Variants in MPP4 observed in about 807,000 individuals in gnomAD.
The protein encoded by MPP4 is MAGUK p55 scaffold protein 4.
A neutral mutation model predicts 98.3 loss-of-function variants in MPP4; 91 were observed. The observed-to-expected ratio is 0.93, with a 90% CI of 0.78 to 1.10. MPP4 has a LOEUF of 1.10. Ranked by LOEUF, MPP4 falls within the 50% of genes least tolerant of loss-of-function variation. The pLI is 0.00. For synonymous variants in MPP4, 261 were observed against 271.8 expected, an observed-to-expected ratio of 0.96 and a Z score of 0.39; for missense variants, 744 against 792.9, an observed-to-expected ratio of 0.94 and a Z score of 0.74.
At chr2:201,649,442 T>G (rs751045141) in intron 20 of MPP4, 134 bp downstream of exon 20, 15 of 637,452 alleles carry the variant, frequency 2.4e-5, no homozygotes, top group Non-Finnish European at 3.8e-5. Flanking sequence ...AGTAAGATCT[T>G]ATATATGGGA....
In MPP4 at chr2:201,656,220, C is replaced by G. The variant is rs1201112599; in HGVS notation, c.1278G>C (p.Lys426Asn). 1 of 1,605,970 alleles carries G rather than the reference C, an allele frequency of 6.2e-7. No homozygotes were observed. Among genetic ancestry groups the G allele is most frequent in the Non-Finnish European group, 8.5e-7 (1 of 1,176,258 alleles). The change falls in exon 17 of 22, where the codon AAG becomes AAC. Residue 426 changes from lysine (K) to asparagine (N), a missense_variant. Coordinates refer to ENST00000409474, the MANE Select transcript of MPP4 (RefSeq NM_033066.3). ...TACCCATGAGCACTATGAGGCGGTA[C>G]TTGTCTGAAGGGCGTCGCTGGTACC... Reference protein sequence around the residue: ...VVRYQRRPSDKYRLIVLMGPS... With the variant: ...VVRYQRRPSDNYRLIVLMGPS...
At chr2:201,682,268 C>G (rs141932096) in intron 8 of MPP4, among the ~76,000 whole-genome samples, 4 of 152,300 alleles carry the variant, frequency 2.6e-5, no homozygotes, top group African/African-American at 9.6e-5. Context: ...CACACAGAAT[C>G]TTGCAGCAGT....
In MPP4 at chr2:201,665,348, G is replaced by A. The variant is rs567143466; in HGVS notation, c.1051+986C>T. 1.1e-3 allele frequency: 161 copies of A among 152,360 alleles called. 2 individuals carry two copies. Among genetic ancestry groups the A allele is most frequent in the Admixed American group, 2.4e-3 (37 of 15,290 alleles). 9.4% of individuals were successfully genotyped at this position (152,360 alleles called of 1,614,324 possible). On this transcript the variant is annotated intron_variant, in intron 13 of 21. Transcript: ENST00000409474. ...GCCTCCCAAAGTGCTGGGATTACAG[G>A]CATGAGCCACCACGCCCGGCCACAT...
chr2:201,648,444 C>G (rs961055947), intron 20 of MPP4, among the ~76,000 whole-genome samples: 1 of 152,174 alleles, frequency 6.6e-6, no homozygotes, highest in African/African-American at 2.4e-5. Context: ...CTCCTCAATT[C>G]TAAAAAACAA....
At chr2:201,696,917 A>G (rs144624194) in intron 1 of MPP4, among the ~76,000 whole-genome samples, 163 of 152,302 alleles carry the variant, frequency 1.1e-3, no homozygotes, top group African/African-American at 3.7e-3. Context: ...TCAGGTTCCT[A>G]TGACAAATTT....
At chr2:201,671,628 C>T (rs904883899) in intron 11 of MPP4, among the ~76,000 whole-genome samples, 2 of 152,068 alleles carry the variant, frequency 1.3e-5, no homozygotes, top group Admixed American at 1.3e-4. Context: ...AGACTTTAAA[C>T]TAACAAAGAT....
chr2:201,658,204 G>A (rs747393381), intron 16 of MPP4, among the ~76,000 whole-genome samples: 2 of 152,094 alleles, frequency 1.3e-5, no homozygotes, highest in African/African-American at 2.4e-5. Context: ...TTTAGCATAA[G>A]ATAAATAGGT....
At chr2:201,662,849 T>C (rs934772613) in intron 14 of MPP4, among the ~76,000 whole-genome samples, 5 of 152,140 alleles carry the variant, frequency 3.3e-5, no homozygotes, top group Non-Finnish European at 7.4e-5. Flanking sequence ...ATAATATACT[T>C]GGAATTGGAT....
At chr2:201,647,270 A>T (rs1246264491) in intron 21 of MPP4, among the ~76,000 whole-genome samples, 1 of 152,210 alleles carries the variant, frequency 6.6e-6, no homozygotes, top group East Asian at 1.9e-4. Flanking sequence ...TATTCTGTTT[A>T]AAATACAAAC....
intron 18 of MPP4, among the ~76,000 whole-genome samples, chr2:201,652,699 AAGCCAGACGAG>A (rs1374536077): frequency 1.3e-5 from 2 of 152,150 alleles, no homozygotes; most frequent in African/African-American, 4.8e-5. Flanking sequence ...GCGCTCAGAG[AAGCCAGACGAG>A]AGCCAGACGA....
At chr2:201,666,589 G>A (rs866414563) in intron 12 of MPP4, 1 of 424,316 alleles carries the variant, frequency 2.4e-6, no homozygotes. Context: ...GGGTGTGGTA[G>A]CACATGCCTA....
intron 3 of MPP4, among the ~76,000 whole-genome samples, chr2:201,691,720 T>C (rs1392310399): frequency 6.6e-6 from 1 of 152,178 alleles, no homozygotes; most frequent in Non-Finnish European, 1.5e-5. Context: ...GGTTTTGCCA[T>C]GTTGGCCAGG....
chr2:201,650,368 C>T (rs535835480), intron 18 of MPP4: 3 of 985,366 alleles, frequency 3.0e-6, no homozygotes, highest in East Asian at 2.3e-4. Context: ...TTACTGAGTG[C>T]TTATGGTATG....
intron 18 of MPP4, chr2:201,650,423 G>A: frequency 1.0e-6 from 1 of 985,394 alleles, no homozygotes. Flanking sequence ...AAAGACCTAA[G>A]GGAACACCTG....
Position 201,649,662 on chromosome 2 carries a change from T to C in MPP4, c.1498A>G (p.Lys500Glu). Residue 500 changes from lysine (K) to glutamate (E), a missense_variant, in exon 20 of 22, where the codon AAA becomes GAA. By Grantham distance (56) the Lys-to-Glu change is moderately conservative. Transcript: ENST00000409474. ...ACACTAGTGCCATACAGGTGGCCTTTGTACTCACCATACTCCAGCATCCTG... is the reference window on the plus strand; with the variant it reads ...ACACTAGTGCCATACAGGTGGCCTTCGTACTCACCATACTCCAGCATCCTG... ...SHRMLEYGEY[K>E]GHLYGTSVDA... 6.2e-7 allele frequency: 1 copy of C among 1,610,464 alleles called. No individual in the cohort carries two copies. The highest frequency in any genetic ancestry group is 8.5e-7 in the Non-Finnish European group (1 of 1,178,350).
chr2:201,693,720 A>C (rs560476310), intron 2 of MPP4, among the ~76,000 whole-genome samples, 156 bp downstream of exon 2: 1 of 152,352 alleles, frequency 6.6e-6, no homozygotes, highest in Non-Finnish European at 1.5e-5. Flanking sequence ...ATTTGTTCTT[A>C]AAGTTATCAC....
intron 10 of MPP4, among the ~76,000 whole-genome samples, chr2:201,675,480 C>G (rs966129354): frequency 1.2e-4 from 18 of 152,190 alleles, no homozygotes; most frequent in African/African-American, 3.9e-4. Context: ...TTCTGCCTCA[C>G]GGGATCTTTT....
Position 201,657,590 on chromosome 2 carries a change from G to GTTTTTTTTTTTTTTTTTTTTTTTTTTT in MPP4, c.1129+886_1129+887insAAAAAAAAAAAAAAAAAAAAAAAAAAA, listed in dbSNP as rs929926346. ...TCTAACAGTGAGAACCCTGGCCCTT[G>GTTTTTTTTTTTTTTTTTTTTTTTTTTT]TTTTTTTTTTGTTTTTTTGTTTTTT... On this transcript the variant is annotated intron_variant, in intron 16 of 21. Coordinates refer to ENST00000409474, the MANE Select transcript of MPP4 (RefSeq NM_033066.3). Among the ~76,000 whole-genome samples, 67 of 91,102 alleles carry GTTTTTTTTTTTTTTTTTTTTTTTTTTT rather than the reference G, an allele frequency of 7.4e-4. 15 individuals carry two copies. The highest frequency in any genetic ancestry group is 1.5e-3 in the East Asian group (4 of 2,596). 59.8% of individuals were successfully genotyped at this position (91,102 alleles called of 152,430 possible).
chr2:201,671,272 C>A (rs565231340), intron 11 of MPP4, among the ~76,000 whole-genome samples: 1 of 152,286 alleles, frequency 6.6e-6, no homozygotes, highest in South Asian at 2.1e-4. Flanking sequence ...TGGTTTTGCT[C>A]AGCAGATCCC....
Sources: gnomAD v4.1 joint callset for allele counts (sites outside exome capture counted in the v4.1 genomes callset) on GRCh38, gnomAD v4.1.1 for gene constraint, MANE v1.5 for transcripts, NCBI Gene and HGNC (gene_info 2026-07-23, HGNC 2026-07-21) for gene names.